MMRN2: variants seen among roughly 807,000 people sequenced by gnomAD.
MMRN2 encodes the protein multimerin 2.
A neutral mutation model predicts 68.8 loss-of-function variants in MMRN2; 53 were observed. That is an observed-to-expected ratio of 0.77 (90% confidence interval 0.62 to 0.97). MMRN2 has a LOEUF of 0.97. MMRN2 is among the 50% of genes least tolerant of loss of function. MMRN2 has a pLI of 0.00. For missense variants in MMRN2, 1,266 were observed against 1,259.5 expected, an observed-to-expected ratio of 1.01 and a Z score of -0.08; for synonymous variants, 564 against 551.6, an observed-to-expected ratio of 1.02 and a Z score of -0.32.
At position 86,936,691 on chromosome 10, in the gene MMRN2, G is replaced by T. The variant is rs2133671820; in HGVS notation, c.*52C>A. On this transcript the variant is annotated 3_prime_UTR_variant, in exon 7 of 7. Coordinates refer to ENST00000372027, the MANE Select transcript of MMRN2 (RefSeq NM_024756.3). ...AGCCCATCCTTGGCCAGAGCCCCAG[G>T]CCGAGGAGAGCTGGGCGAGTCCATG... The T allele has an allele frequency of 3.1e-6, 5 of 1,589,026 alleles. No homozygotes were observed. The South Asian group carries it at 5.7e-5, about 18-fold the overall frequency.
intron 1 of MMRN2, among the ~76,000 whole-genome samples, chr10:86,951,918 C>T (rs534963825): frequency 5.3e-5 from 8 of 152,102 alleles, no homozygotes; most frequent in South Asian, 2.1e-4. Context: ...TGTGGTGGTG[C>T]ACACCTCTAG....
Position 86,936,000 on chromosome 10 carries a change from C to T in MMRN2, c.*743G>A, listed in dbSNP as rs1351783305. ...GGAGGAACTATCAAACTTATAAAAT[C>T]ATCAGATCTCGTGAGAACTATCACA... On this transcript the variant is annotated 3_prime_UTR_variant, in exon 7 of 7. Coordinates refer to ENST00000372027, the MANE Select transcript of MMRN2 (RefSeq NM_024756.3). 2.6e-5 allele frequency: 4 copies of T among 156,396 alleles called. No homozygotes were observed. The Admixed American group carries it at 2.6e-4, about 10-fold the overall frequency. 9.7% of individuals were successfully genotyped at this position (156,396 alleles called of 1,614,324 possible).
intron 1 of MMRN2, among the ~76,000 whole-genome samples, chr10:86,946,530 T>C (rs1028289850): frequency 4.6e-5 from 7 of 152,176 alleles, no homozygotes; most frequent in African/African-American, 1.7e-4. Flanking sequence ...GCACACCTGA[T>C]AGGTAGCCCT....
At chr10:86,939,839 T>TGTGTG (rs1843941786) in intron 6 of MMRN2, among the ~76,000 whole-genome samples, 2 of 120,288 alleles carry the variant, frequency 1.7e-5, no homozygotes, top group East Asian at 2.3e-4. Flanking sequence ...GTGTGTGTGT[T>TGTGTG]TGTGTGTGTG....
At chr10:86,948,224 C>CAAA (rs57877767) in intron 1 of MMRN2, among the ~76,000 whole-genome samples, 8 of 98,834 alleles carry the variant, frequency 8.1e-5, no homozygotes, top group Admixed American at 1.1e-4. Context: ...AACCCTATCT[C>CAAA]AAAAAAAAAA....
Position 86,936,698 on chromosome 10 carries a change from A to G in MMRN2, c.*45T>C. ...CCTTGGCCAGAGCCCCAGGCCGAGG[A>G]GAGCTGGGCGAGTCCATGATGTCTG... On this transcript the variant is annotated 3_prime_UTR_variant, in exon 7 of 7. Transcript: ENST00000372027. The G allele has an allele frequency of 6.3e-7, 1 of 1,595,406 alleles. No individual in the cohort carries two copies. The highest frequency in any genetic ancestry group is 1.3e-5 in the African/African-American group (1 of 74,682).
At position 86,937,900 on chromosome 10, in the gene MMRN2, A is replaced by T. The variant is rs188595526; in HGVS notation, c.2468-775T>A. Among the ~76,000 whole-genome samples the T allele has an allele frequency of 2.0e-5, 3 of 152,296 alleles. No individual in the cohort carries two copies. The East Asian group carries it at 5.8e-4, about 29-fold the overall frequency. The stretch of plus-strand genomic sequence containing the variant: ...GACAGAACCTTGGAGAAAGAAGGAA[A>T]GAGCAGGTGGAGCCAGGGAAGAGAA... On this transcript the variant is annotated intron_variant, in intron 6 of 6. Transcript: ENST00000372027.
Position 86,957,607 on chromosome 10 carries a change from C to T in MMRN2, c.-66G>A. 8 of 1,511,178 alleles carry T rather than the reference C, an allele frequency of 5.3e-6. No homozygotes were observed. The East Asian group carries it at 6.8e-5, about 13-fold the overall frequency. 93.6% of individuals were successfully genotyped at this position (1,511,178 alleles called of 1,614,324 possible). A position where few individuals can be genotyped will look rare whatever the true frequency, so the allele number is the denominator to read the frequency against. ...AAGTAGCTCCAGAAACTGCTAGTGA[C>T]GTTGTCTTCAAGTTAAATCTCAGGA... On this transcript the variant is annotated 5_prime_UTR_variant, in exon 1 of 7. Coordinates refer to ENST00000372027, the MANE Select transcript of MMRN2 (RefSeq NM_024756.3).
chr10:86,943,650 C>A lies in MMRN2; in HGVS notation c.1134G>T (p.Arg378Ser). ...TGGTCATGTGCAGCTCTGAGAGGTT[C>A]CTCTGCAGCTGGCCCAGCCTGGCCT... Reference protein sequence around the residue: ...SLQARLGQLQRNLSELHMTTA... With the variant: ...SLQARLGQLQSNLSELHMTTA... The change falls in exon 6 of 7, where the codon AGG becomes AGT. Residue 378 changes from arginine (R) to serine (S), a missense_variant. Arg to Ser is a moderately radical substitution (Grantham distance 110, BLOSUM62 -1). Transcript: ENST00000372027. This position sits in a 1 kb window ranked among gnomAD's most constrained non-coding sequence, Gnocchi z 4.2. 1 of 1,613,002 alleles carries A rather than the reference C, an allele frequency of 6.2e-7. No individual in the cohort carries two copies. The highest frequency in any genetic ancestry group is 1.3e-5 in the African/African-American group (1 of 75,058).
chr10:86,956,010 T>A (rs576549081), intron 1 of MMRN2, among the ~76,000 whole-genome samples: 399 of 152,014 alleles, frequency 2.6e-3, no homozygotes, highest in South Asian at 7.5e-3. Flanking sequence ...AGCAGCTCCC[T>A]CCTCCCTCCC....
intron 1 of MMRN2, among the ~76,000 whole-genome samples, chr10:86,955,270 A>T (rs1166105914): frequency 6.6e-6 from 1 of 152,134 alleles, no homozygotes; most frequent in East Asian, 1.9e-4. Flanking sequence ...AGGCACCCAC[A>T]TTCTAGACAT....
At chr10:86,956,199 T>A (rs1021919035) in intron 1 of MMRN2, among the ~76,000 whole-genome samples, 2 of 93,048 alleles carry the variant, frequency 2.1e-5, no homozygotes, top group African/African-American at 8.5e-5. Context: ...CTCCCAGCCC[T>A]GAGCAGAGTT....
At chr10:86,956,777 C>T (rs1359855827) in intron 1 of MMRN2, among the ~76,000 whole-genome samples, 1 of 152,232 alleles carries the variant, frequency 6.6e-6, no homozygotes, top group Non-Finnish European at 1.5e-5. Flanking sequence ...TGAGGGGGGA[C>T]TTACAGGCCC....
chr10:86,936,792 C>A lies in MMRN2; in HGVS notation c.2801G>T (p.Arg934Ile). 1 of 1,614,198 alleles carries A rather than the reference C, an allele frequency of 6.2e-7. No homozygotes were observed. Among genetic ancestry groups the A allele is most frequent in the Admixed American group, 1.7e-5 (1 of 60,030 alleles). Reference protein sequence around the residue: ...FELTQGSITKRSLSGTAFGGF... With the variant: ...FELTQGSITKISLSGTAFGGF... ...CCCAAATGCAGTGCCCGACAGGCTT[C>A]TCTTTGTTATTGATCCCTGGGTTAA... Residue 934 changes from arginine (R) to isoleucine (I), a missense_variant, in exon 7 of 7, where the codon AGA (arginine) becomes ATA (isoleucine). Physicochemically the swap from Arg to Ile is moderately conservative, Grantham distance 97. Coordinates refer to ENST00000372027, the MANE Select transcript of MMRN2 (RefSeq NM_024756.3).
Position 86,945,910 on chromosome 10 carries a change from G to A in MMRN2, c.165-221C>T, listed in dbSNP as rs181480793. The A allele has an allele frequency of 2.9e-4, 386 of 1,322,206 alleles. No individual in the cohort carries two copies. The African/African-American group carries it at 4.6e-3, about 16-fold the overall frequency. The allele number at this position is 1,322,206 out of a possible 1,614,324, so 81.9% of individuals were successfully genotyped here. ...AGGGCACCTGCTCCACCACCTTCCC[G>A]AAGCCTCCCCGAGCCAGCAGAGAGG... On this transcript the variant is annotated intron_variant, in intron 1 of 6. Coordinates refer to ENST00000372027, the MANE Select transcript of MMRN2 (RefSeq NM_024756.3).
rs1371398362 is a variant in MMRN2, at chr10:86,944,380, A to ATGTTCCTGC, written c.528_536dup (p.Gln176_Glu178dup). ...CATCATTCTGGAGATCTCCCAGCAG[A>ATGTTCCTGC]TGTTCCTGCTGTTCCTGTTGCACCT... On this transcript the variant is annotated inframe_insertion, in exon 5 of 7. Coordinates refer to ENST00000372027, the MANE Select transcript of MMRN2 (RefSeq NM_024756.3). The ATGTTCCTGC allele has an allele frequency of 6.2e-7, 1 of 1,613,920 alleles. No homozygotes were observed. The highest frequency in any genetic ancestry group is 2.2e-5 in the East Asian group (1 of 44,888).
In MMRN2 at chr10:86,941,827, GA is replaced by G. The variant is rs1386112769; in HGVS notation, c.2467+489del. 7.6e-4 allele frequency among the ~76,000 whole-genome samples: 103 copies of G among 135,272 alleles called. 1 individual carries two copies. The highest frequency in any genetic ancestry group is 2.1e-3 in the African/African-American group (74 of 35,286). 88.7% of individuals were successfully genotyped at this position (135,272 alleles called of 152,430 possible). ...AAAAAAAAAAAAAAGAAAAGAAAAAGAAAAAAAAAACAAAAAAAAAACTAAA... is the reference window on the plus strand; with the variant it reads ...AAAAAAAAAAAAAAGAAAAGAAAAAGAAAAAAAAACAAAAAAAAAACTAAA... On this transcript the variant is annotated intron_variant, in intron 6 of 6. Transcript: ENST00000372027.
rs745876720 is a variant in MMRN2 at position 86,943,460 on chromosome 10, C to T, written c.1324G>A (p.Ala442Thr). 1 of 1,614,116 alleles carries T rather than the reference C, an allele frequency of 6.2e-7. No individual in the cohort carries two copies. Among genetic ancestry groups the T allele is most frequent in the South Asian group, 1.1e-5 (1 of 91,080 alleles). ...QVEELQVNHT[A>T]LRELRVILME... Reference sequence around the variant, plus strand: ...AGGATCACGCGCAGCTCACGGAGCGCCGTGTGGTTCACCTGCAGCTCCTCC... The same window carrying T: ...AGGATCACGCGCAGCTCACGGAGCGTCGTGTGGTTCACCTGCAGCTCCTCC... The change falls in exon 6 of 7, where the codon GCG (alanine) becomes ACG (threonine). Residue 442 changes from alanine to threonine, a missense_variant. Coordinates refer to ENST00000372027, the MANE Select transcript of MMRN2 (RefSeq NM_024756.3). The surrounding 1 kb of genome is among the most constrained non-coding windows in gnomAD (Gnocchi z 4.2).
In MMRN2 at chr10:86,943,433, T is replaced by A; in HGVS notation, c.1351A>T (p.Met451Leu). 1 of 1,614,152 alleles carries A rather than the reference T, an allele frequency of 6.2e-7. No homozygotes were observed. Among genetic ancestry groups the A allele is most frequent in the African/African-American group, 1.3e-5 (1 of 75,044 alleles). Residue 451 changes from methionine to leucine, a missense_variant, in exon 6 of 7, where the codon ATG becomes TTG. Coordinates refer to ENST00000372027, the MANE Select transcript of MMRN2 (RefSeq NM_024756.3). This position sits in a 1 kb window ranked among gnomAD's most constrained non-coding sequence, Gnocchi z 4.2. ...TALRELRVILMEKSLIMEENK... is the reference protein window; with the variant it reads ...TALRELRVILLEKSLIMEENK... ...TCCTCCATGATCAGAGACTTCTCCA[T>A]CAGGATCACGCGCAGCTCACGGAGC... is the stretch of plus-strand genomic sequence containing the variant.
Sources: allele counts gnomAD v4.1 joint callset (sites outside exome capture counted in the v4.1 genomes callset), GRCh38; gene constraint gnomAD v4.1.1; non-coding constraint Gnocchi (gnomAD v3.1); transcripts MANE v1.5; gene names NCBI Gene and HGNC (gene_info 2026-07-23, HGNC 2026-07-21).